ACTR3C: variants seen among roughly 807,000 people sequenced by gnomAD.
ACTR3C encodes the protein actin related protein 3C.
ACTR3C carries 18 observed loss-of-function variants against 26.3 expected under a neutral mutation model. The observed-to-expected ratio is 0.68, with a 90% confidence interval of 0.47 to 1.01. The LOEUF (loss-of-function observed/expected upper bound fraction) is 1.01, where lower values mean the gene tolerates loss of function less well. ACTR3C is among the 50% of genes least tolerant of loss of function. The pLI, the probability that ACTR3C is intolerant of heterozygous loss-of-function variation, is 0.00. For synonymous variants in ACTR3C, 55 were observed against 94.5 expected (o/e 0.58, Z 2.42); for missense variants, 184 against 250.7 (o/e 0.73, Z 1.80).
intron 6 of ACTR3C, among the ~76,000 whole-genome samples, chr7:150,258,590 T>C (rs1833400754): frequency 6.6e-6 from 1 of 152,272 alleles, no homozygotes; most frequent in African/African-American, 2.4e-5. Flanking sequence ...CCTTAGTAAT[T>C]GTAGTAACCC....
At chr7:150,039,910 C>T in the ACTR3C span, among the ~76,000 whole-genome samples, 27 of 131,318 alleles carry the variant, frequency 2.1e-4, 1 homozygote, top group East Asian at 6.2e-3. Context: ...GGTGCCTCCT[C>T]CCCTGCGATG....
At chr7:149,915,377 C>A in the ACTR3C span, among the ~76,000 whole-genome samples, 1 of 152,098 alleles carries the variant, frequency 6.6e-6, no homozygotes, top group South Asian at 2.1e-4. Context: ...AGAATGTTAC[C>A]CTTAAGAATA....
chr7:150,006,453 T>C, the ACTR3C span, among the ~76,000 whole-genome samples: 9 of 148,890 alleles, frequency 6.0e-5, no homozygotes, highest in South Asian at 2.0e-3. Context: ...CGCCTCGGCC[T>C]CCCAAAGTGC....
At chr7:150,136,069 T>G in the ACTR3C span, among the ~76,000 whole-genome samples, 1 of 152,026 alleles carries the variant, frequency 6.6e-6, no homozygotes, top group Non-Finnish European at 1.5e-5. Context: ...GGAATATATG[T>G]GAGGACACTG....
chr7:150,229,946 C>T, the ACTR3C span, among the ~76,000 whole-genome samples: 1 of 151,202 alleles, frequency 6.6e-6, no homozygotes, highest in South Asian at 2.1e-4. Flanking sequence ...CTAATGAGGC[C>T]GGGCATGGTG....
the ACTR3C span, among the ~76,000 whole-genome samples, chr7:150,195,000 AG>A: frequency 6.6e-6 from 1 of 151,950 alleles, no homozygotes; most frequent in African/African-American, 2.4e-5. Flanking sequence ...AGGCTGAGGC[AG>A]GAGAATTGTT....
the ACTR3C span, among the ~76,000 whole-genome samples, chr7:150,165,952 C>T: frequency 1.2e-3 from 188 of 151,886 alleles, no homozygotes; most frequent in Non-Finnish European, 2.0e-3. Flanking sequence ...TTCCTTGATT[C>T]CTTCTCATGA....
the ACTR3C span, among the ~76,000 whole-genome samples, chr7:150,206,062 T>A: frequency 1.3e-5 from 2 of 152,286 alleles, no homozygotes; most frequent in African/African-American, 4.8e-5. Context: ...AAATTTCACA[T>A]GACTGCATCA....
the ACTR3C span, among the ~76,000 whole-genome samples, chr7:150,140,694 G>C: frequency 6.6e-6 from 1 of 152,156 alleles, no homozygotes; most frequent in Admixed American, 6.5e-5. Flanking sequence ...TATTGAACTT[G>C]GGCCAGCTAA....
At chr7:150,224,801 A>C in the ACTR3C span, among the ~76,000 whole-genome samples, 2 of 152,164 alleles carry the variant, frequency 1.3e-5, no homozygotes, top group African/African-American at 4.8e-5. Flanking sequence ...TACATTTTTA[A>C]CATTCTGCTC....
chr7:149,888,477 C>G, the ACTR3C span, among the ~76,000 whole-genome samples: 2,600 of 152,352 alleles, frequency 0.017, 46 homozygotes, highest in Non-Finnish European at 0.025. Flanking sequence ...AAGCTTGACT[C>G]TTCACCTGTT....
the ACTR3C span, among the ~76,000 whole-genome samples, chr7:149,975,046 G>A: frequency 6.6e-6 from 1 of 152,134 alleles, no homozygotes; most frequent in Non-Finnish European, 1.5e-5. Context: ...TTAGAAGCGA[G>A]GTATATTAGG....
chr7:149,924,191 C>T, the ACTR3C span, among the ~76,000 whole-genome samples: 2 of 150,226 alleles, frequency 1.3e-5, no homozygotes, highest in East Asian at 4.5e-4. Flanking sequence ...GCCTGGCCAA[C>T]ATGGTGGAAG....
chr7:149,917,076 ATTTT>A, the ACTR3C span, among the ~76,000 whole-genome samples: 5 of 136,250 alleles, frequency 3.7e-5, no homozygotes, highest in Non-Finnish European at 1.6e-5. Flanking sequence ...TGCCCCAAAT[ATTTT>A]TTTTTTTTTT....
At chr7:149,957,346 G>A in the ACTR3C span, among the ~76,000 whole-genome samples, 1 of 152,086 alleles carries the variant, frequency 6.6e-6, no homozygotes, top group African/African-American at 2.4e-5. Flanking sequence ...CAGGATTAAG[G>A]GATTCCCAGA....
At chr7:150,009,192 G>T in the ACTR3C span, among the ~76,000 whole-genome samples, 1 of 152,232 alleles carries the variant, frequency 6.6e-6, no homozygotes, top group Non-Finnish European at 1.5e-5. Context: ...TCAGCCAATG[G>T]TGCTGGGGCA....
the ACTR3C span, among the ~76,000 whole-genome samples, chr7:149,968,155 T>C: frequency 6.6e-6 from 1 of 152,268 alleles, no homozygotes; most frequent in Admixed American, 6.5e-5. Context: ...TTTGAGTCCC[T>C]GCTAAGATTG....
At chr7:150,087,793 T>G in the ACTR3C span, among the ~76,000 whole-genome samples, 1 of 152,336 alleles carries the variant, frequency 6.6e-6, no homozygotes, top group Admixed American at 6.5e-5. Context: ...AAAGGAATTT[T>G]AAATATTCAG....
chr7:150,126,509 C>T, the ACTR3C span, among the ~76,000 whole-genome samples: 1 of 152,200 alleles, frequency 6.6e-6, no homozygotes. Context: ...GTTGCCACTG[C>T]AGAGCAAGAT....
Sources: gnomAD v4.1 joint callset for allele counts (sites outside exome capture counted in the v4.1 genomes callset) on GRCh38, gnomAD v4.1.1 for gene constraint, MANE v1.5 for transcripts, NCBI Gene and HGNC (gene_info 2026-07-23, HGNC 2026-07-21) for gene names.